Variants in EXOC2 observed in about 807,000 individuals in gnomAD.
EXOC2 encodes exocyst complex component 2, also known as SEC5-like 1.
Under a neutral mutation model 131.8 loss-of-function variants are expected in EXOC2, and 70 were observed. The observed-to-expected ratio is 0.53, with a 90% CI of 0.44 to 0.65. The LOEUF is 0.65. Among genes scored for constraint, EXOC2 ranks in the 30% least tolerant of loss-of-function variants. EXOC2 has a pLI of 0.00. For synonymous variants in EXOC2, 411 were observed against 398.4 expected, an observed-to-expected ratio of 1.03 and a Z score of -0.38; for missense variants, 923 against 1,108.6, an observed-to-expected ratio of 0.83 and a Z score of 2.38.
chr6:501,656 T>C (rs960331090), intron 23 of EXOC2, among the ~76,000 whole-genome samples: 3 of 111,538 alleles, frequency 2.7e-5, no homozygotes, highest in African/African-American at 1.0e-4. Flanking sequence ...TATAGATAGA[T>C]ATATCTATCT....
intron 18 of EXOC2, 63 bp from the exon 19 acceptor site, chr6:556,076 A>C: frequency 6.8e-7 from 1 of 1,463,578 alleles, no homozygotes; most frequent in Non-Finnish European, 9.6e-7. Context: ...TTGTATATGA[A>C]GTTAGATATG....
chr6:487,853 A>C (rs1763168714), intron 27 of EXOC2, among the ~76,000 whole-genome samples: 1 of 152,206 alleles, frequency 6.6e-6, no homozygotes, highest in African/African-American at 2.4e-5. Context: ...CCCCACAGCA[A>C]ATCTAAAATA....
chr6:616,268 C>G (rs570977210), intron 6 of EXOC2, among the ~76,000 whole-genome samples: 8 of 152,170 alleles, frequency 5.3e-5, no homozygotes, highest in Middle Eastern at 3.2e-3. Context: ...GAGCACCTAC[C>G]TTCTCTGTTC....
At chr6:689,132 A>T (rs1395935666) in intron 1 of EXOC2, 1 of 152,250 alleles carries the variant, frequency 6.6e-6, no homozygotes. Flanking sequence ...CACCCTGAGC[A>T]GCTCACCTTC....
intron 11 of EXOC2, among the ~76,000 whole-genome samples, chr6:588,945 G>T (rs1259930138): frequency 6.6e-6 from 1 of 152,086 alleles, no homozygotes; most frequent in African/African-American, 2.4e-5. Flanking sequence ...TGGAATACTG[G>T]TTATCAGATA....
intron 7 of EXOC2, among the ~76,000 whole-genome samples, chr6:602,819 C>G (rs1409129484): frequency 1.3e-5 from 2 of 152,118 alleles, no homozygotes; most frequent in Non-Finnish European, 2.9e-5. Flanking sequence ...GTCTGTGGAG[C>G]AGTAAAATTT....
chr6:650,419 ACT>A (rs2127736920), intron 1 of EXOC2, among the ~76,000 whole-genome samples: 1 of 152,268 alleles, frequency 6.6e-6, no homozygotes. Flanking sequence ...AGAAACGGGC[ACT>A]CTCTAGTTTT....
At chr6:566,332 G>A (rs924422292) in intron 13 of EXOC2, among the ~76,000 whole-genome samples, 5 of 152,196 alleles carry the variant, frequency 3.3e-5, no homozygotes, top group East Asian at 1.9e-4. Context: ...GCCAGTGTGC[G>A]AGTATGACCA....
chr6:509,807 T>C (rs970862201), intron 23 of EXOC2, among the ~76,000 whole-genome samples: 1 of 152,198 alleles, frequency 6.6e-6, no homozygotes, highest in Non-Finnish European at 1.5e-5. Context: ...CGGCCTAATG[T>C]TGTTTTGACG....
chr6:592,678 G>A (rs182635801), intron 10 of EXOC2, 91 bp from the exon 11 acceptor site: 2 of 860,866 alleles, frequency 2.3e-6, no homozygotes, highest in Non-Finnish European at 3.8e-6. Context: ...TTATCAATTA[G>A]TCTTGTGCCC....
chr6:635,010 T>C lies in EXOC2; in HGVS notation c.119-1893A>G, dbSNP rs536058761. On this transcript the variant is annotated intron_variant, in intron 2 of 27. Coordinates refer to ENST00000230449, the MANE Select transcript of EXOC2 (RefSeq NM_018303.6). The stretch of plus-strand genomic sequence containing the variant: ...TTTCAATGTATAACCTGCTTAATTA[T>C]TGACAGTAGGTATTTTGGTATCACT... Among the ~76,000 whole-genome samples the C allele has an allele frequency of 2.0e-5, 3 of 152,360 alleles. No homozygotes were observed. In the East Asian group the frequency reaches 5.8e-4, roughly 29 times the overall value.
chr6:573,643 T>G (rs986693408), intron 12 of EXOC2, among the ~76,000 whole-genome samples: 4 of 151,708 alleles, frequency 2.6e-5, no homozygotes, highest in Non-Finnish European at 4.4e-5. Context: ...GAAGGGCAAA[T>G]TTTATAAACT....
At chr6:635,782 G>A (rs945645062) in intron 2 of EXOC2, among the ~76,000 whole-genome samples, 3 of 152,234 alleles carry the variant, frequency 2.0e-5, no homozygotes, top group Admixed American at 1.3e-4. Flanking sequence ...TAATACACAG[G>A]CCAGGCAAGG....
intron 7 of EXOC2, among the ~76,000 whole-genome samples, chr6:599,992 C>T (rs1001512896): frequency 2.0e-5 from 3 of 151,908 alleles, no homozygotes; most frequent in Non-Finnish European, 4.4e-5. Flanking sequence ...AATTCCACAA[C>T]GAAAGGAGAG....
rs373901721 is a variant in EXOC2 at position 590,554 on chromosome 6, C to T, written c.1192+1915G>A. ...AGGGACCTGATGAGGGCCATTACTC[C>T]TTTTCATGTCATCCAGTTAGGGGCT... On this transcript the variant is annotated intron_variant, in intron 11 of 27. Transcript: ENST00000230449. Among the ~76,000 whole-genome samples the T allele has an allele frequency of 3.9e-5, 6 of 152,334 alleles. No individual in the cohort carries two copies. In the East Asian group the frequency reaches 7.7e-4, roughly 20 times the overall value.
chr6:532,620 CAT>C lies in EXOC2; in HGVS notation c.2239-12_2239-11del. The C allele has an allele frequency of 6.6e-7, 1 of 1,506,244 alleles. No homozygotes were observed. The highest frequency in any genetic ancestry group is 1.4e-5 in the South Asian group (1 of 69,940). 93.3% of individuals were successfully genotyped at this position (1,506,244 alleles called of 1,614,324 possible). ...ATGAGGCCATGCTAACCTATAAACA[CAT>C]AATGAAGAGTATGAGTTGCCTATTT... is the stretch of plus-strand genomic sequence containing the variant. On this transcript the variant is annotated splice_polypyrimidine_tract_variant and intron_variant, in intron 22 of 27. Coordinates refer to ENST00000230449, the MANE Select transcript of EXOC2 (RefSeq NM_018303.6).
At chr6:664,044 C>T (rs1361172244) in intron 1 of EXOC2, among the ~76,000 whole-genome samples, 1 of 152,166 alleles carries the variant, frequency 6.6e-6, no homozygotes, top group Non-Finnish European at 1.5e-5. Context: ...CTAAGGACTC[C>T]ACCAGAAAGC....
chr6:568,323 T>C (rs1758087588), intron 13 of EXOC2, among the ~76,000 whole-genome samples: 1 of 152,228 alleles, frequency 6.6e-6, no homozygotes, highest in Non-Finnish European at 1.5e-5. Context: ...ACTCCTCCTG[T>C]CTGACTGCCT....
intron 23 of EXOC2, among the ~76,000 whole-genome samples, chr6:514,942 T>C (rs1484078657): frequency 6.6e-6 from 1 of 152,236 alleles, no homozygotes; most frequent in African/African-American, 2.4e-5. Flanking sequence ...GATCGGCGCA[T>C]GCAAACAGCT....
Sources: allele counts gnomAD v4.1 joint callset (sites outside exome capture counted in the v4.1 genomes callset), GRCh38; gene constraint gnomAD v4.1.1; transcripts MANE v1.5; gene names NCBI Gene and HGNC (gene_info 2026-07-23, HGNC 2026-07-21).